Variants in GABRB1 observed in about 807,000 individuals in gnomAD.
The protein encoded by GABRB1 is gamma-aminobutyric acid type A receptor subunit beta1.
In GABRB1, 17 loss-of-function variants were observed where a neutral mutation model predicts 51.6. That is an observed-to-expected ratio of 0.33 (90% confidence interval 0.23 to 0.49). The LOEUF (loss-of-function observed/expected upper bound fraction) is 0.49, where lower values mean the gene tolerates loss of function less well. GABRB1 is among the 20% of genes least tolerant of loss of function. GABRB1 has a pLI of 0.99. For missense variants in GABRB1, 410 were observed against 600.6 expected, an observed-to-expected ratio of 0.68 and a Z score of 3.32; for synonymous variants, 247 against 218.9, an observed-to-expected ratio of 1.13 and a Z score of -1.14.
intron 5 of GABRB1, among the ~76,000 whole-genome samples, chr4:47,351,064 G>A (rs1055964812): frequency 9.2e-5 from 14 of 152,202 alleles, no homozygotes. Context: ...TCACAGCTCT[G>A]TGGGAAAGCA....
intron 4 of GABRB1, among the ~76,000 whole-genome samples, chr4:47,313,334 T>C (rs1334626161): frequency 6.6e-6 from 1 of 152,136 alleles, no homozygotes; most frequent in Non-Finnish European, 1.5e-5. Flanking sequence ...AGAATGAAAA[T>C]CTTGAGTTTA....
At chr4:47,061,036 A>G (rs1043153273) in intron 3 of GABRB1, among the ~76,000 whole-genome samples, 1 of 152,200 alleles carries the variant, frequency 6.6e-6, no homozygotes, top group Non-Finnish European at 1.5e-5. Context: ...CAAAGTTACT[A>G]AAAAATAACT....
intron 3 of GABRB1, among the ~76,000 whole-genome samples, chr4:47,146,364 G>A (rs1167356723): frequency 6.6e-6 from 1 of 151,650 alleles, no homozygotes; most frequent in Non-Finnish European, 1.5e-5. Flanking sequence ...TCTTTGTAGA[G>A]CAACAGTAAG....
At chr4:47,408,875 G>T (rs186604963) in intron 8 of GABRB1, among the ~76,000 whole-genome samples, 1 of 152,320 alleles carries the variant, frequency 6.6e-6, no homozygotes, top group South Asian at 2.1e-4. Context: ...CCCAAAAAAG[G>T]TGGAATAGGT....
At chr4:47,241,974 T>C (rs1393575399) in intron 4 of GABRB1, among the ~76,000 whole-genome samples, 3 of 152,148 alleles carry the variant, frequency 2.0e-5, no homozygotes, top group Non-Finnish European at 4.4e-5. Flanking sequence ...GCCATGTTGG[T>C]GTGCTGTACC....
chr4:47,142,698 A>G (rs1045040374), intron 3 of GABRB1, among the ~76,000 whole-genome samples: 1 of 151,904 alleles, frequency 6.6e-6, no homozygotes, highest in Non-Finnish European at 1.5e-5. Flanking sequence ...AGGGGGATAC[A>G]TCTGAATTGA....
rs576029313 is a variant in GABRB1, at chr4:47,002,240, C to T, written c.-20+8314C>T. ...TTAAAAACATAGGCCTAAGCCTTTG[C>T]GAAAATATCAACATTTACTTTACAA... On this transcript the variant is annotated intron_variant, in intron 1 of 3. Transcript: ENST00000513567. 9.2e-5 allele frequency among the ~76,000 whole-genome samples: 14 copies of T among 152,164 alleles called. No individual in the cohort carries two copies. The South Asian group carries it at 1.9e-3, about 20-fold the overall frequency.
intron 3 of GABRB1, 22 bp from the exon 4 acceptor site, chr4:47,161,227 T>C: frequency 2.1e-6 from 3 of 1,457,430 alleles, no homozygotes; most frequent in East Asian, 2.3e-5. Context: ...CTTTTTTTTT[T>C]TTTGCTTTCT....
At position 47,426,326 on chromosome 4, in the gene GABRB1, G is replaced by A. The variant is rs993076759; in HGVS notation, c.*308G>A. 2 of 195,834 alleles carry A rather than the reference G, an allele frequency of 1.0e-5. No individual in the cohort carries two copies. The highest frequency in any genetic ancestry group is 2.0e-5 in the Non-Finnish European group (2 of 99,268). 12.1% of individuals were successfully genotyped at this position (195,834 alleles called of 1,614,324 possible). ...GGTAGATCTTTAGCAGTCTTTTCTAGTTTCCCTGGATTTCACTGATTTATT... is the reference window on the plus strand; with the variant it reads ...GGTAGATCTTTAGCAGTCTTTTCTAATTTCCCTGGATTTCACTGATTTATT... On this transcript the variant is annotated 3_prime_UTR_variant, in exon 9 of 9. Transcript: ENST00000295454.
chr4:46,998,053 G>C (rs966306403), intron 1 of GABRB1, among the ~76,000 whole-genome samples: 4 of 152,008 alleles, frequency 2.6e-5, no homozygotes, highest in Non-Finnish European at 5.9e-5. Flanking sequence ...AGTGTACAAG[G>C]GTTTCCTAAT....
At chr4:47,312,157 T>C (rs959568390) in intron 4 of GABRB1, among the ~76,000 whole-genome samples, 2 of 152,100 alleles carry the variant, frequency 1.3e-5, no homozygotes, top group African/African-American at 4.8e-5. Context: ...GCAAAAATTT[T>C]AAAATTAAAT....
intron 4 of GABRB1, among the ~76,000 whole-genome samples, chr4:47,217,700 TCTTTTTTATTAATACATAATTGTA>T (rs559252335): frequency 1.2e-3 from 179 of 151,892 alleles, no homozygotes; most frequent in African/African-American, 4.1e-3. Context: ...TTTCTTTCTC[TCTTTTTTATTAATACATAATTGTA>T]CATATTTATG....
At chr4:47,259,987 T>G (rs1366928216) in intron 4 of GABRB1, among the ~76,000 whole-genome samples, 3 of 75,670 alleles carry the variant, frequency 4.0e-5, no homozygotes, top group African/African-American at 6.1e-5. Flanking sequence ...CACTAAGGAC[T>G]TGCTTTATGA....
chr4:47,273,653 A>G (rs4426746), intron 4 of GABRB1, among the ~76,000 whole-genome samples: 97,418 of 151,752 alleles, frequency 0.64, 31,649 homozygotes, highest in South Asian at 0.81. Flanking sequence ...TAATAATAAC[A>G]ATAAACAAGT....
intron 4 of GABRB1, among the ~76,000 whole-genome samples, chr4:47,223,732 T>C (rs1720850629): frequency 6.6e-6 from 1 of 152,090 alleles, no homozygotes; most frequent in Admixed American, 6.6e-5. Context: ...AGATGATGAT[T>C]TTCCTGTTTA....
Position 47,308,000 on chromosome 4 carries a change from A to G in GABRB1, c.462-12127A>G, listed in dbSNP as rs145153223. Among the ~76,000 whole-genome samples, 76 of 152,160 alleles carry G rather than the reference A, an allele frequency of 5.0e-4. 1 individual carries two copies. Among genetic ancestry groups the G allele is most frequent in the Non-Finnish European group, 9.1e-4 (62 of 67,916 alleles). ...ACAATCCTTGAAGAAAGCATTTTTGACATACACATTTTTGTATCTTTGGAT... is the reference window on the plus strand; with the variant it reads ...ACAATCCTTGAAGAAAGCATTTTTGGCATACACATTTTTGTATCTTTGGAT... On this transcript the variant is annotated intron_variant, in intron 4 of 8. Transcript: ENST00000295454.
chr4:47,279,645 G>A (rs1723204248), intron 4 of GABRB1, among the ~76,000 whole-genome samples: 1 of 151,986 alleles, frequency 6.6e-6, no homozygotes, highest in Non-Finnish European at 1.5e-5. Flanking sequence ...AGTAACCCCT[G>A]ATTATATAAT....
intron 1 of GABRB1, among the ~76,000 whole-genome samples, chr4:46,999,604 A>G (rs1273580044): frequency 6.6e-6 from 1 of 152,256 alleles, no homozygotes; most frequent in African/African-American, 2.4e-5. Context: ...AATGTATACA[A>G]AAGAAGCAAG....
At position 47,060,208 on chromosome 4, in the gene GABRB1, G is replaced by A. The variant is rs117396160; in HGVS notation, c.240+27724G>A. Among the ~76,000 whole-genome samples, 123 of 152,272 alleles carry A rather than the reference G, an allele frequency of 8.1e-4. 1 individual carries two copies. The East Asian group carries it at 0.022, about 27-fold the overall frequency. ...TCTCCAATAGTGAACTTTCTGACAT[G>A]TGCTTTATATAGGTGACAATCTATA... is the stretch of plus-strand genomic sequence containing the variant. On this transcript the variant is annotated intron_variant, in intron 3 of 8. Transcript: ENST00000295454.
Sources: gnomAD v4.1 joint callset for allele counts (sites outside exome capture counted in the v4.1 genomes callset) on GRCh38, gnomAD v4.1.1 for gene constraint, MANE v1.5 for transcripts, NCBI Gene and HGNC (gene_info 2026-07-23, HGNC 2026-07-21) for gene names.